The following TPCN1 variants were observed in gnomAD, a reference collection of about 807,000 sequenced individuals.
The protein encoded by TPCN1 is two pore channel protein 1.
TPCN1 carries 52 observed loss-of-function variants against 108.8 expected under a neutral mutation model. The ratio of observed to expected loss-of-function variants is 0.48; its 90% CI spans 0.38 to 0.60. TPCN1 has a LOEUF of 0.60. Among genes scored for constraint, TPCN1 ranks in the 20% least tolerant of loss-of-function variants. The probability of loss-of-function intolerance (pLI) is 0.00; values close to 1 mark genes in which losing one functional copy is unlikely to be tolerated. For synonymous variants in TPCN1, 446 were observed against 433.7 expected (o/e 1.03, Z -0.35); for missense variants, 806 against 1,072.8 (o/e 0.75, Z 3.47).
chr12:113,250,829 G>A (rs552919392), intron 2 of TPCN1, among the ~76,000 whole-genome samples: 21 of 152,052 alleles, frequency 1.4e-4, no homozygotes, highest in African/African-American at 4.1e-4. Context: ...GTTGGTGCAC[G>A]CCTGTGTGTT....
intron 13 of TPCN1, 130 bp from the exon 14 acceptor site, chr12:113,278,642 A>C: frequency 1.4e-6 from 1 of 708,684 alleles, no homozygotes; most frequent in South Asian, 1.7e-5. Flanking sequence ...GTTGTCATGT[A>C]GATCCCTGAA....
Position 113,271,169 on chromosome 12 carries a change from C to G in TPCN1, c.748+1324C>G, listed in dbSNP as rs181045037. On this transcript the variant is annotated intron_variant, in intron 7 of 27. Coordinates refer to ENST00000335509, the MANE Select transcript of TPCN1 (RefSeq NM_017901.6). ...GCATGCACCTGTGGTCCCTGCTACT[C>G]AAGAGGTGAGGCAGGAGGATCACCT... Among the ~76,000 whole-genome samples, 510 of 152,136 alleles carry G rather than the reference C, an allele frequency of 3.4e-3. 1 individual carries two copies. Among genetic ancestry groups the G allele is most frequent in the Non-Finnish European group, 3.7e-3 (251 of 67,990 alleles).
In TPCN1 at chr12:113,273,190, T is replaced by C; in HGVS notation, c.784-42T>C. The C allele has an allele frequency of 1.3e-6, 2 of 1,598,648 alleles. No individual in the cohort carries two copies. The highest frequency in any genetic ancestry group is 1.7e-6 in the Non-Finnish European group (2 of 1,165,886). On this transcript the variant is annotated intron_variant, in intron 8 of 27. Transcript: ENST00000335509. This position sits in a 1 kb window ranked among gnomAD's most constrained non-coding sequence, Gnocchi z 4.0. ...CAGCCTGTTCCTGATGGCCGTGTGC[T>C]CTTGGCTGGTCCCGACTTCTCTGCC... is the stretch of plus-strand genomic sequence containing the variant.
intron 2 of TPCN1, chr12:113,244,462 A>C (rs1043322122): frequency 1.0e-6 from 1 of 985,304 alleles, no homozygotes; most frequent in African/African-American, 1.7e-5. Flanking sequence ...ACCAATTATC[A>C]GAAAGAGAAG....
chr12:113,268,571 T>A lies in TPCN1; in HGVS notation c.529-171T>A, dbSNP rs1955369530. Among the ~76,000 whole-genome samples the A allele has an allele frequency of 6.6e-6, 1 of 152,130 alleles. No individual in the cohort carries two copies. Among genetic ancestry groups the A allele is most frequent in the Non-Finnish European group, 1.5e-5 (1 of 68,008 alleles). On this transcript the variant is annotated intron_variant, in intron 5 of 27. Transcript: ENST00000335509. The surrounding 1 kb of genome is among the most constrained non-coding windows in gnomAD (Gnocchi z 7.3). The stretch of plus-strand genomic sequence containing the variant: ...ACACACCTGTGCCAGCACCTGGAGT[T>A]TTTTTTCTTCTGGGGCTGCCTGATG...
intron 2 of TPCN1, among the ~76,000 whole-genome samples, chr12:113,254,393 C>T (rs1011191581): frequency 7.9e-5 from 12 of 152,192 alleles, no homozygotes; most frequent in African/African-American, 2.7e-4. Context: ...CTCGGACCAA[C>T]ATTCTACACG....
Position 113,288,534 on chromosome 12 carries a change from G to T in TPCN1, c.1707-224G>T, listed in dbSNP as rs1458972037. The T allele has an allele frequency of 1.3e-6, 2 of 1,482,408 alleles. No individual in the cohort carries two copies. Among genetic ancestry groups the T allele is most frequent in the Non-Finnish European group, 1.8e-6 (2 of 1,118,126 alleles). The allele number at this position is 1,482,408 out of a possible 1,614,324, so 91.8% of individuals were successfully genotyped here. A position where few individuals can be genotyped will look rare whatever the true frequency, so the allele number is the denominator to read the frequency against. ...GTGAGTCTACCTTCACAGGTAAGGG[G>T]TGAATCTCTGGGAAAGGGGCATTTG... On this transcript the variant is annotated intron_variant, in intron 20 of 27. Coordinates refer to ENST00000335509, the MANE Select transcript of TPCN1 (RefSeq NM_017901.6). The surrounding 1 kb of genome is among the most constrained non-coding windows in gnomAD (Gnocchi z 4.8).
intron 13 of TPCN1, 136 bp from the exon 14 acceptor site, chr12:113,278,636 T>A (rs1955755762): frequency 1.5e-6 from 1 of 685,616 alleles, no homozygotes; most frequent in Non-Finnish European, 2.5e-6. Flanking sequence ...GGCTGTGTTG[T>A]CATGTAGATC....
chr12:113,234,921 A>G (rs1242061609), intron 2 of TPCN1, among the ~76,000 whole-genome samples: 3 of 152,226 alleles, frequency 2.0e-5, no homozygotes, highest in Admixed American at 1.3e-4. Flanking sequence ...TCTTCAATGT[A>G]TAGTGAAATC....
chr12:113,240,615 G>A (rs978321346), intron 2 of TPCN1, among the ~76,000 whole-genome samples: 9 of 152,172 alleles, frequency 5.9e-5, no homozygotes, highest in Admixed American at 2.6e-4. Context: ...TCCTCTTAAG[G>A]GATGTGAGTT....
chr12:113,268,725 A>C lies in TPCN1; in HGVS notation c.529-17A>C, dbSNP rs368955246. The C allele has an allele frequency of 6.2e-7, 1 of 1,612,574 alleles. No homozygotes were observed. The highest frequency in any genetic ancestry group is 8.5e-7 in the Non-Finnish European group (1 of 1,179,828). On this transcript the variant is annotated splice_polypyrimidine_tract_variant and intron_variant, in intron 5 of 27. Transcript: ENST00000335509. The surrounding 1 kb of genome is among the most constrained non-coding windows in gnomAD (Gnocchi z 7.3). ...GGGCTGCAGGGGCTGACGGTGCTCCATGCCTGCCACCCACAGACCTCGGTG... is the reference window on the plus strand; with the variant it reads ...GGGCTGCAGGGGCTGACGGTGCTCCCTGCCTGCCACCCACAGACCTCGGTG...
intron 2 of TPCN1, among the ~76,000 whole-genome samples, chr12:113,243,720 C>T (rs1954237010): frequency 6.6e-6 from 1 of 152,112 alleles, no homozygotes; most frequent in Non-Finnish European, 1.5e-5. Flanking sequence ...TGCCACTGCA[C>T]TCCAGCCTGA....
chr12:113,228,622 G>A (rs1265949416), intron 2 of TPCN1, among the ~76,000 whole-genome samples: 1 of 152,104 alleles, frequency 6.6e-6, no homozygotes. Context: ...AAAAATAAAA[G>A]GTGAGTACAG....
At chr12:113,229,241 G>A (rs866718398) in intron 2 of TPCN1, among the ~76,000 whole-genome samples, 1 of 152,226 alleles carries the variant, frequency 6.6e-6, no homozygotes, top group African/African-American at 2.4e-5. Context: ...TGTTTTTCCT[G>A]TACAGCACAT....
intron 4 of TPCN1, 111 bp from the exon 5 acceptor site, chr12:113,267,732 A>G (rs1955322876): frequency 1.4e-6 from 1 of 692,962 alleles, no homozygotes; most frequent in Non-Finnish European, 2.6e-6. Context: ...TAACTCTGAT[A>G]TGTGTTGGGA....
chr12:113,229,042 C>A (rs1194118620), intron 2 of TPCN1, among the ~76,000 whole-genome samples: 2 of 152,166 alleles, frequency 1.3e-5, no homozygotes, highest in Admixed American at 6.5e-5. Context: ...GGCAAGAGAG[C>A]AACCCAGTCC....
Position 113,278,223 on chromosome 12 carries a change from G to A in TPCN1, c.1219G>A (p.Ala407Thr). The change falls in exon 13 of 28, where the codon GCT (alanine) becomes ACT (threonine). Residue 407 changes from alanine to threonine, a missense_variant. Physicochemically the swap from Ala to Thr is moderately conservative, Grantham distance 58. Transcript: ENST00000335509. ...CTTTTACGATATCTACGAAGTTGCTGCTTTGAAGTGGAAGGTGAGTTCTTC... is the reference window on the plus strand; with the variant it reads ...CTTTTACGATATCTACGAAGTTGCTACTTTGAAGTGGAAGGTGAGTTCTTC... ...KDFYDIYEVA[A>T]LKWKAKKNRE... The A allele has an allele frequency of 1.2e-6, 2 of 1,613,920 alleles. No individual in the cohort carries two copies. Among genetic ancestry groups the A allele is most frequent in the Non-Finnish European group, 8.5e-7 (1 of 1,179,884 alleles).
intron 15 of TPCN1, among the ~76,000 whole-genome samples, chr12:113,281,280 T>C (rs1955879771): frequency 6.6e-6 from 1 of 152,154 alleles, no homozygotes; most frequent in South Asian, 2.1e-4. Flanking sequence ...CCTCAGGTGG[T>C]CCACCTGCCT....
Position 113,288,493 on chromosome 12 carries a change from A to G in TPCN1, c.1706+259A>G. The G allele has an allele frequency of 6.7e-7, 1 of 1,501,182 alleles. No individual in the cohort carries two copies. The highest frequency in any genetic ancestry group is 8.9e-7 in the Non-Finnish European group (1 of 1,127,750). 93.0% of individuals were successfully genotyped at this position (1,501,182 alleles called of 1,614,324 possible). ...GCTTACCACCTGTGTCTACATTCAC[A>G]GGTAAGGGGTCACCTGTGAGTCTAC... On this transcript the variant is annotated intron_variant, in intron 20 of 27. Coordinates refer to ENST00000335509, the MANE Select transcript of TPCN1 (RefSeq NM_017901.6). The surrounding 1 kb of genome is among the most constrained non-coding windows in gnomAD (Gnocchi z 4.8).
Sources: gnomAD v4.1 joint callset for allele counts (sites outside exome capture counted in the v4.1 genomes callset) on GRCh38, gnomAD v4.1.1 for gene constraint, Gnocchi (gnomAD v3.1) non-coding constraint, MANE v1.5 for transcripts, NCBI Gene and HGNC (gene_info 2026-07-23, HGNC 2026-07-21) for gene names.